The following FMN1 variants were observed in gnomAD, a reference collection of about 807,000 sequenced individuals.
The protein encoded by FMN1 is formin 1.
A neutral mutation model predicts 132.4 loss-of-function variants in FMN1; 110 were observed. The ratio of observed to expected loss-of-function variants is 0.83; its 90% confidence interval spans 0.71 to 0.97. FMN1 has a LOEUF of 0.97. Among genes scored for constraint, FMN1 ranks in the 50% least tolerant of loss-of-function variants. The pLI, the probability that FMN1 is intolerant of heterozygous loss-of-function variation, is 0.00. For missense variants in FMN1, 1,792 were observed against 1,705.3 expected, an observed-to-expected ratio of 1.05 and a Z score of -0.90; for synonymous variants, 722 against 651.7, an observed-to-expected ratio of 1.11 and a Z score of -1.64.
intron 9 of FMN1, among the ~76,000 whole-genome samples, chr15:32,935,435 A>G (rs1200984294): frequency 6.6e-6 from 1 of 152,086 alleles, no homozygotes; most frequent in Non-Finnish European, 1.5e-5. Context: ...TAATGTGCTC[A>G]GTGTGGTCTT....
chr15:32,942,603 G>A (rs1262404373), intron 9 of FMN1, among the ~76,000 whole-genome samples: 1 of 151,780 alleles, frequency 6.6e-6, no homozygotes, highest in Non-Finnish European at 1.5e-5. Context: ...CTGTCTGAAA[G>A]GAAGATGATT....
chr15:32,968,407 G>A (rs1277048849), intron 8 of FMN1, among the ~76,000 whole-genome samples: 2 of 152,172 alleles, frequency 1.3e-5, no homozygotes, highest in Middle Eastern at 3.2e-3. Flanking sequence ...CAATTGTAGT[G>A]ATGTTGGGGA....
intron 4 of FMN1, among the ~76,000 whole-genome samples, chr15:33,122,459 A>C (rs1962658322): frequency 6.6e-6 from 1 of 152,264 alleles, no homozygotes; most frequent in African/African-American, 2.4e-5. Context: ...TAGACAGTAC[A>C]CATTGGCTCA....
chr15:32,992,086 G>A (rs1398540240), intron 7 of FMN1, among the ~76,000 whole-genome samples: 1 of 152,156 alleles, frequency 6.6e-6, no homozygotes, highest in East Asian at 1.9e-4. Context: ...GATTTTACTA[G>A]TGTAGCTGAT....
rs750940066 is a variant in FMN1 at position 33,154,228 on chromosome 15, G to C, written c.687C>G (p.Ser229=). ...GGGGGCAGCTCTCTCTCCTCTGCAG[G>C]GAGCAGGCAAGTGCCCCATTCGGGA... ...NLLPNGALAC[S]LQRRESCPPD... The change falls in exon 4 of 21, where the codon TCC becomes TCG. Residue 229 remains serine, a synonymous_variant. Transcript: ENST00000616417. 469 of 1,536,176 alleles carry C rather than the reference G, an allele frequency of 3.1e-4. 1 individual carries two copies. The highest frequency in any genetic ancestry group is 3.3e-4 in the Non-Finnish European group (374 of 1,146,918).
At chr15:33,071,226 A>G (rs903040945) in intron 5 of FMN1, among the ~76,000 whole-genome samples, 7 of 152,230 alleles carry the variant, frequency 4.6e-5, no homozygotes, top group South Asian at 2.1e-4. Context: ...TAACTTGGGG[A>G]AAAATCTACA....
At chr15:32,965,628 C>T (rs978003522) in intron 8 of FMN1, among the ~76,000 whole-genome samples, 1 of 152,132 alleles carries the variant, frequency 6.6e-6, no homozygotes, top group South Asian at 2.1e-4. Flanking sequence ...CAGTTGGCAG[C>T]CCTGGCTCCT....
rs945668060 is a variant in FMN1 at position 33,067,952 on chromosome 15, C to A, written c.2044-2878G>T. 1.1e-5 allele frequency: 16 copies of A among 1,521,610 alleles called. No homozygotes were observed. In the Admixed American group the frequency reaches 2.2e-4, roughly 21 times the overall value. The allele number at this position is 1,521,610 out of a possible 1,614,324, so 94.3% of individuals were successfully genotyped here. A position where few individuals can be genotyped will look rare whatever the true frequency, so the allele number is the denominator to read the frequency against. ...TTCTCCTGCGCTCTCAGTTTATCCA[C>A]TCCATCTGCTCTTAATTTACAGGAC... On this transcript the variant is annotated intron_variant, in intron 5 of 20. Coordinates refer to ENST00000616417, the MANE Select transcript of FMN1 (RefSeq NM_001277313.2).
rs112467817 is a variant in FMN1 at position 33,150,274 on chromosome 15, A to G, written c.1867+2774T>C. ...CACTGCTTTGCAGGCTAGCACAACT[A>G]GAGTTCCTCAAGGTTTGGGGGAAGA... is the stretch of plus-strand genomic sequence containing the variant. On this transcript the variant is annotated intron_variant, in intron 4 of 20. Coordinates refer to ENST00000616417, the MANE Select transcript of FMN1 (RefSeq NM_001277313.2). 1.7e-5 allele frequency: 17 copies of G among 985,492 alleles called. No individual in the cohort carries two copies. The African/African-American group carries it at 2.1e-4, about 12-fold the overall frequency. The allele number at this position is 985,492 out of a possible 1,614,324, so 61.0% of individuals were successfully genotyped here.
At chr15:33,043,439 G>A (rs2036533162) in intron 6 of FMN1, among the ~76,000 whole-genome samples, 2 of 152,148 alleles carry the variant, frequency 1.3e-5, no homozygotes, top group African/African-American at 4.8e-5. Context: ...TCCATTTCCT[G>A]TACATCACTT....
chr15:33,108,524 T>C (rs947052150), intron 4 of FMN1, among the ~76,000 whole-genome samples: 12 of 151,578 alleles, frequency 7.9e-5, no homozygotes, highest in Admixed American at 7.9e-4. Flanking sequence ...AACTCTGCTA[T>C]TAAACAACAA....
At chr15:32,959,361 G>T (rs184263676) in intron 9 of FMN1, among the ~76,000 whole-genome samples, 1 of 152,310 alleles carries the variant, frequency 6.6e-6, no homozygotes, top group Non-Finnish European at 1.5e-5. Context: ...GATCCATCTT[G>T]ATGTTGGAAA....
chr15:32,837,959 T>C (rs1458734081), intron 17 of FMN1, among the ~76,000 whole-genome samples: 1 of 152,166 alleles, frequency 6.6e-6, no homozygotes, highest in African/African-American at 2.4e-5. Flanking sequence ...CAAGTGCTAT[T>C]GCCTCATTTA....
intron 16 of FMN1, among the ~76,000 whole-genome samples, chr15:32,858,635 T>C (rs561467008): frequency 1.4e-4 from 21 of 152,352 alleles, no homozygotes; most frequent in Middle Eastern, 3.4e-3. Flanking sequence ...CAAGGCTATC[T>C]AGGAAATCCT....
intron 17 of FMN1, among the ~76,000 whole-genome samples, chr15:32,842,542 A>G (rs776470189): frequency 1.9e-4 from 29 of 152,244 alleles, no homozygotes; most frequent in Non-Finnish European, 3.5e-4. Flanking sequence ...ACTGGCAAAT[A>G]TAAGTTCCAG....
rs114971198 is a variant in FMN1, at chr15:33,127,456, T to C, written c.1867+25592A>G. 9.6e-3 allele frequency among the ~76,000 whole-genome samples: 1,468 copies of C among 152,294 alleles called. 23 individuals are homozygous for C. Among genetic ancestry groups the C allele is most frequent in the African/African-American group, 0.034 (1,404 of 41,558 alleles). ...TAATGAGTGAACCTACATCTAACTG[T>C]AAATAAAACACTAAAAATAGGTAAC... On this transcript the variant is annotated intron_variant, in intron 4 of 20. Coordinates refer to ENST00000616417, the MANE Select transcript of FMN1 (RefSeq NM_001277313.2).
chr15:33,052,346 T>C lies in FMN1; in HGVS notation c.2161+12611A>G, dbSNP rs73376676. Among the ~76,000 whole-genome samples, 611 of 152,238 alleles carry C rather than the reference T, an allele frequency of 4.0e-3. 2 individuals are homozygous for C. The highest frequency in any genetic ancestry group is 0.014 in the African/African-American group (566 of 41,528). ...GACTACAGAAAAAACATGGAAAACA[T>C]TGATAGGATAAAAAGGAACTCGATA... On this transcript the variant is annotated intron_variant, in intron 6 of 20. Coordinates refer to ENST00000616417, the MANE Select transcript of FMN1 (RefSeq NM_001277313.2).
intron 17 of FMN1, among the ~76,000 whole-genome samples, chr15:32,836,447 G>A (rs569470947): frequency 6.6e-6 from 1 of 152,242 alleles, no homozygotes; most frequent in African/African-American, 2.4e-5. Flanking sequence ...GTCATTTATA[G>A]TAGCAATAAT....
chr15:33,181,707 C>CTTTTTTTTTTTTT (rs753993602), intron 2 of FMN1, among the ~76,000 whole-genome samples: 7 of 126,216 alleles, frequency 5.5e-5, no homozygotes, highest in Admixed American at 8.4e-5. Flanking sequence ...TTTTTTCTTT[C>CTTTTTTTTTTTTT]TTTTTTTTTT....
Sources: gnomAD v4.1 joint callset for allele counts (sites outside exome capture counted in the v4.1 genomes callset) on GRCh38, gnomAD v4.1.1 for gene constraint, MANE v1.5 for transcripts, NCBI Gene and HGNC (gene_info 2026-07-23, HGNC 2026-07-21) for gene names.